SH3KBP1: variants seen among roughly 807,000 people sequenced by gnomAD.
SH3KBP1 encodes the protein SH3 domain-containing kinase-binding protein 1.
SH3KBP1 carries 8 observed loss-of-function variants against 50.1 expected under a neutral mutation model. That is an observed-to-expected ratio of 0.16 (90% CI 0.09 to 0.29). SH3KBP1 has a LOEUF of 0.29. Among genes scored for constraint, SH3KBP1 ranks in the 10% least tolerant of loss-of-function variants. The pLI, the probability that SH3KBP1 is intolerant of heterozygous loss-of-function variation, is 1.00. For missense variants in SH3KBP1, 377 were observed against 535.2 expected, an observed-to-expected ratio of 0.70 and a Z score of 2.92; for synonymous variants, 227 against 218.6, an observed-to-expected ratio of 1.04 and a Z score of -0.34.
chrX:19,813,658 C>A (rs1209415133), intron 2 of SH3KBP1, among the ~76,000 whole-genome samples: 1 of 111,010 alleles, frequency 9.0e-6, no homozygotes, highest in Non-Finnish European at 1.9e-5. Flanking sequence ...GTCCAGAAGC[C>A]CCCTGTTAGG....
chrX:19,874,532 G>C (rs1229423790), intron 1 of SH3KBP1, among the ~76,000 whole-genome samples: 5 of 100,052 alleles, frequency 5.0e-5, no homozygotes, highest in Non-Finnish European at 1.0e-4. Flanking sequence ...AAGAACAGGA[G>C]AGGAAGTGTG....
At chrX:19,841,187 C>T (rs1406800328) in intron 1 of SH3KBP1, among the ~76,000 whole-genome samples, 1 of 111,121 alleles carries the variant, frequency 9.0e-6, no homozygotes, top group African/African-American at 3.3e-5. Flanking sequence ...CGTGGCCCTG[C>T]TCTGTGACCC....
chrX:19,776,348 C>A (rs2065971629), intron 2 of SH3KBP1, among the ~76,000 whole-genome samples: 1 of 109,428 alleles, frequency 9.1e-6, no homozygotes, highest in Non-Finnish European at 1.9e-5. Context: ...GGAAAGACTG[C>A]CTCACAGATT....
rs747700708 is a variant in SH3KBP1 at position 19,545,959 on chromosome X, G to A, written c.1586C>T (p.Ala529Val). The A allele has an allele frequency of 9.1e-6, 11 of 1,210,853 alleles. No homozygotes were observed. Among genetic ancestry groups the A allele is most frequent in the Admixed American group, 4.3e-5 (2 of 45,991 alleles). Residue 529 changes from alanine to valine, a missense_variant, in exon 15 of 18, where the codon GCG (alanine) becomes GTG (valine). Physicochemically the swap from Ala to Val is moderately conservative, Grantham distance 64 (BLOSUM62 0). Coordinates refer to ENST00000397821, the MANE Select transcript of SH3KBP1 (RefSeq NM_031892.3). The stretch of plus-strand genomic sequence containing the variant: ...AACAGTCTTGGAAGTTTTCTTTGAC[G>A]CGTCCACTCCTCTGTGCGCAAGTGA... ...HISLAHRGVDASKKTSKTVTI... is the reference protein window; with the variant it reads ...HISLAHRGVDVSKKTSKTVTI...
At position 19,691,325 on chromosome X, in the gene SH3KBP1, G is replaced by GCTCTCT. The variant is rs747033807; in HGVS notation, c.520+4281_520+4286dup. Among the ~76,000 whole-genome samples, 8 of 84,378 alleles carry GCTCTCT rather than the reference G, an allele frequency of 9.5e-5. No individual in the cohort carries two copies. In the South Asian group the frequency reaches 2.9e-3, roughly 30 times the overall value. The allele number at this position is 84,378 out of a possible 115,157, so 73.3% of individuals were successfully genotyped here. A position where few individuals can be genotyped will look rare whatever the true frequency, so the allele number is the denominator to read the frequency against. Reference sequence around the variant, plus strand: ...CACGCATGCGCACTCAATCTCTGTCGCTCTCTCTCTCTCTCTCTCTCTCTC... The same window carrying GCTCTCT: ...CACGCATGCGCACTCAATCTCTGTCGCTCTCTCTCTCTCTCTCTCTCTCTCTCTCTC... On this transcript the variant is annotated intron_variant, in intron 5 of 17. Transcript: ENST00000397821.
chrX:19,662,993 A>C (rs1445524373), intron 6 of SH3KBP1, among the ~76,000 whole-genome samples: 1 of 111,187 alleles, frequency 9.0e-6, no homozygotes, highest in Non-Finnish European at 1.9e-5. Context: ...TTTTAACTTC[A>C]GTTTAACAGC....
intron 6 of SH3KBP1, among the ~76,000 whole-genome samples, chrX:19,654,838 T>C (rs2062232854): frequency 8.9e-6 from 1 of 112,198 alleles, no homozygotes. Flanking sequence ...GTTTTATTTG[T>C]CCAGTGCTTT....
chrX:19,700,267 G>T (rs929338413), intron 4 of SH3KBP1, among the ~76,000 whole-genome samples: 1 of 111,953 alleles, frequency 8.9e-6, no homozygotes, highest in African/African-American at 3.2e-5. Context: ...AATGAAAATT[G>T]TAATACTGTT....
intron 8 of SH3KBP1, 64 bp downstream of exon 8, chrX:19,631,800 T>C: frequency 1.4e-6 from 1 of 701,055 alleles, no homozygotes; most frequent in South Asian, 2.7e-5. Flanking sequence ...CAAAAGCTTA[T>C]ACTGTCCAGT....
intron 11 of SH3KBP1, among the ~76,000 whole-genome samples, chrX:19,591,232 C>A (rs1221433194): frequency 9.0e-6 from 1 of 111,320 alleles, no homozygotes; most frequent in Non-Finnish European, 1.9e-5. Flanking sequence ...ATTAATTCAG[C>A]ATTTCTCTTG....
intron 2 of SH3KBP1, among the ~76,000 whole-genome samples, chrX:19,795,905 A>G (rs753463641): frequency 1.1e-3 from 122 of 112,198 alleles, no homozygotes; most frequent in African/African-American, 3.8e-3. Flanking sequence ...AATTCTTTTT[A>G]ATAGCTTACA....
intron 1 of SH3KBP1, among the ~76,000 whole-genome samples, chrX:19,884,029 C>G (rs1252967897): frequency 2.7e-5 from 3 of 111,722 alleles, no homozygotes; most frequent in African/African-American, 9.8e-5. Context: ...CCACGGTGCT[C>G]GTTTTCAGTC....
chrX:19,603,503 G>A (rs191853228), intron 9 of SH3KBP1, among the ~76,000 whole-genome samples: 105 of 112,132 alleles, frequency 9.4e-4, no homozygotes, highest in African/African-American at 3.4e-3. Flanking sequence ...TCGAGGGCAG[G>A]TTTCTGAGTC....
intron 3 of SH3KBP1, among the ~76,000 whole-genome samples, chrX:19,735,877 C>T (rs971346901): frequency 2.7e-5 from 3 of 109,933 alleles, no homozygotes; most frequent in Non-Finnish European, 5.7e-5. Flanking sequence ...GAGCCCGCCA[C>T]CATGACCGGC....
intron 1 of SH3KBP1, among the ~76,000 whole-genome samples, chrX:19,846,564 T>C (rs1262629815): frequency 9.0e-6 from 1 of 111,652 alleles, no homozygotes; most frequent in Admixed American, 9.6e-5. Flanking sequence ...GACAAGTGCC[T>C]GATTAGAAAG....
intron 1 of SH3KBP1, among the ~76,000 whole-genome samples, chrX:19,877,610 G>C (rs1187327992): frequency 8.9e-6 from 1 of 111,987 alleles, no homozygotes; most frequent in Non-Finnish European, 1.9e-5. Context: ...ATGGCCCCAA[G>C]TCTTCTAAGT....
At chrX:19,661,905 G>A (rs753148105) in intron 6 of SH3KBP1, among the ~76,000 whole-genome samples, 2 of 111,595 alleles carry the variant, frequency 1.8e-5, no homozygotes. Flanking sequence ...GGGATTACAG[G>A]TGTGAGCCAC....
At chrX:19,734,695 C>T (rs184305052) in intron 3 of SH3KBP1, among the ~76,000 whole-genome samples, 3 of 112,073 alleles carry the variant, frequency 2.7e-5, no homozygotes, top group African/African-American at 3.2e-5. Flanking sequence ...TCCATTCCCA[C>T]CTTCAGCTTT....
chrX:19,816,667 G>A (rs1036191153), intron 2 of SH3KBP1, among the ~76,000 whole-genome samples: 3 of 111,091 alleles, frequency 2.7e-5, no homozygotes, highest in African/African-American at 9.8e-5. Context: ...AATTAGCCAG[G>A]CGTGGTGGCT....
Sources: allele counts gnomAD v4.1 joint callset (sites outside exome capture counted in the v4.1 genomes callset), GRCh38; gene constraint gnomAD v4.1.1; transcripts MANE v1.5; gene names NCBI Gene and HGNC (gene_info 2026-07-23, HGNC 2026-07-21).